PPP2R2C: variants seen among roughly 807,000 people sequenced by gnomAD.
The protein encoded by PPP2R2C is protein phosphatase 2 regulatory subunit Bgamma.
A neutral mutation model predicts 45.3 loss-of-function variants in PPP2R2C; 10 were observed. The observed-to-expected ratio is 0.22, with a 90% CI of 0.14 to 0.37. The LOEUF (loss-of-function observed/expected upper bound fraction) is 0.37. PPP2R2C is among the 10% of genes least tolerant of loss of function. PPP2R2C has a pLI of 1.00. For missense variants in PPP2R2C, 308 were observed against 619.7 expected, an observed-to-expected ratio of 0.50 and a Z score of 5.34; for synonymous variants, 257 against 245.4, an observed-to-expected ratio of 1.05 and a Z score of -0.44.
intron 1 of PPP2R2C, among the ~76,000 whole-genome samples, chr4:6,421,331 T>C (rs1718947244): frequency 6.6e-6 from 1 of 152,180 alleles, no homozygotes; most frequent in African/African-American, 2.4e-5. Context: ...TTGTGCTTCC[T>C]ACTTCTGGGA....
chr4:6,442,120 C>T (rs910931742), intron 1 of PPP2R2C, among the ~76,000 whole-genome samples: 1 of 152,220 alleles, frequency 6.6e-6, no homozygotes, highest in African/African-American at 2.4e-5. Context: ...TGGCCAGTGC[C>T]TTGGGTGGAC....
intron 1 of PPP2R2C, among the ~76,000 whole-genome samples, chr4:6,549,254 C>T (rs1202059530): frequency 3.3e-5 from 5 of 152,104 alleles, no homozygotes; most frequent in African/African-American, 1.2e-4. Context: ...TGGACCACGT[C>T]GTTTTTCCAC....
rs1396625080 is a variant in PPP2R2C, at chr4:6,508,238, AAAT to A, written c.49+27030_49+27032del. 2.6e-5 allele frequency among the ~76,000 whole-genome samples: 4 copies of A among 152,306 alleles called. No homozygotes were observed. The South Asian group carries it at 6.2e-4, about 24-fold the overall frequency. ...AGGCGGTTATTAAACGGTCTCTCTA[AAAT>A]AATAATTGGTTACAGCTGGCATCAG... On this transcript the variant is annotated intron_variant, in intron 2 of 9. Transcript: ENST00000506140.
intron 1 of PPP2R2C, chr4:6,535,436 C>T (rs940501784): frequency 3.3e-5 from 37 of 1,132,814 alleles, no homozygotes; most frequent in Non-Finnish European, 4.6e-5. Context: ...GCATGCACGC[C>T]GCCACACACC....
intron 1 of PPP2R2C, among the ~76,000 whole-genome samples, chr4:6,437,002 G>A (rs1719928164): frequency 6.6e-6 from 1 of 152,186 alleles, no homozygotes; most frequent in African/African-American, 2.4e-5. Flanking sequence ...GATTCAACAT[G>A]TAGACCTGAA....
chr4:6,335,842 G>A (rs566378346), intron 6 of PPP2R2C, among the ~76,000 whole-genome samples: 4 of 152,188 alleles, frequency 2.6e-5, no homozygotes, highest in African/African-American at 9.6e-5. Context: ...CAGGCAGCAG[G>A]AGGAAGGTCC....
At chr4:6,357,159 C>G (rs1209064469) in intron 5 of PPP2R2C, among the ~76,000 whole-genome samples, 1 of 151,022 alleles carries the variant, frequency 6.6e-6, no homozygotes, top group Non-Finnish European at 1.5e-5. Flanking sequence ...GTCTCAGCCT[C>G]TCTGGACTCT....
chr4:6,515,557 T>C (rs1057303567), intron 2 of PPP2R2C, among the ~76,000 whole-genome samples: 2 of 152,244 alleles, frequency 1.3e-5, no homozygotes, highest in African/African-American at 4.8e-5. Context: ...CAAAGAGCTG[T>C]CATGCAGACT....
chr4:6,499,338 G>A (rs1036033613), intron 2 of PPP2R2C, among the ~76,000 whole-genome samples: 5 of 152,274 alleles, frequency 3.3e-5, no homozygotes, highest in South Asian at 2.1e-4. Flanking sequence ...ACTGTGGAGC[G>A]CAACCCTGCC....
intron 1 of PPP2R2C, among the ~76,000 whole-genome samples, chr4:6,546,599 C>G (rs975682358): frequency 2.0e-5 from 3 of 152,276 alleles, no homozygotes; most frequent in South Asian, 4.2e-4. Flanking sequence ...CTCAGCCGTC[C>G]CTTCTCTTTC....
At chr4:6,495,368 C>A (rs1722847022) in intron 2 of PPP2R2C, among the ~76,000 whole-genome samples, 1 of 152,226 alleles carries the variant, frequency 6.6e-6, no homozygotes, top group African/African-American at 2.4e-5. Context: ...GACCAGCACC[C>A]ACGAAAACAG....
chr4:6,529,386 G>C (rs1222366453), intron 2 of PPP2R2C, among the ~76,000 whole-genome samples: 1 of 152,274 alleles, frequency 6.6e-6, no homozygotes, highest in African/African-American at 2.4e-5. Context: ...CGGCCAGGCT[G>C]GGAGCCAGCA....
intron 2 of PPP2R2C, among the ~76,000 whole-genome samples, chr4:6,504,622 A>C (rs983462847): frequency 1.3e-5 from 2 of 152,222 alleles, no homozygotes; most frequent in Non-Finnish European, 2.9e-5. Flanking sequence ...ATAATAAATT[A>C]AATGGAAAAT....
At chr4:6,463,105 T>A (rs1264225250) in intron 1 of PPP2R2C, among the ~76,000 whole-genome samples, 2 of 152,232 alleles carry the variant, frequency 1.3e-5, no homozygotes, top group African/African-American at 4.8e-5. Context: ...TAAAAAAACA[T>A]TCAGAAGCTA....
intron 1 of PPP2R2C, among the ~76,000 whole-genome samples, chr4:6,452,141 G>A (rs1446475385): frequency 1.3e-5 from 2 of 152,150 alleles, no homozygotes; most frequent in Admixed American, 6.5e-5. Context: ...CCAAGAGCCT[G>A]GACAGGAAGC....
In PPP2R2C at chr4:6,498,762, G is replaced by A. The variant is rs571457888; in HGVS notation, c.49+36509C>T. Among the ~76,000 whole-genome samples, 5 of 152,206 alleles carry A rather than the reference G, an allele frequency of 3.3e-5. No homozygotes were observed. In the South Asian group the frequency reaches 1.0e-3, roughly 32 times the overall value. ...CCGGGCTGTGCTAGGGCCTGCACGG[G>A]GACATGAGTGACTCAAACAGTCATC... On this transcript the variant is annotated intron_variant, in intron 2 of 9. Coordinates refer to the PPP2R2C transcript ENST00000506140.
intron 6 of PPP2R2C, among the ~76,000 whole-genome samples, chr4:6,338,797 CCCCCTGCCTCCCGTAG>C (rs1733199266): frequency 6.6e-6 from 1 of 152,180 alleles, no homozygotes; most frequent in Admixed American, 6.5e-5. Context: ...CTAGGCATCT[CCCCCTGCCTCCCGTAG>C]CCCCTGCCCC....
intron 5 of PPP2R2C, among the ~76,000 whole-genome samples, chr4:6,370,767 C>T (rs1216692451): frequency 6.6e-6 from 1 of 152,186 alleles, no homozygotes; most frequent in African/African-American, 2.4e-5. Flanking sequence ...CAAACATGCT[C>T]GTGCAGCAGA....
At chr4:6,377,854 C>G (rs78920936) in intron 3 of PPP2R2C, among the ~76,000 whole-genome samples, 1 of 152,068 alleles carries the variant, frequency 6.6e-6, no homozygotes, top group East Asian at 1.9e-4. Flanking sequence ...CGAGAGCCTC[C>G]GGTGCCTGAG....
Sources: gnomAD v4.1 joint callset for allele counts (sites outside exome capture counted in the v4.1 genomes callset) on GRCh38, gnomAD v4.1.1 for gene constraint, MANE v1.5 for transcripts, NCBI Gene and HGNC (gene_info 2026-07-23, HGNC 2026-07-21) for gene names.